Variants in MTOR observed in about 807,000 individuals in gnomAD.
The protein encoded by MTOR is mechanistic target of rapamycin kinase, also known as serine/threonine-protein kinase mTOR.
In MTOR, 70 loss-of-function variants were observed where a neutral mutation model predicts 319.8. That is an observed-to-expected ratio of 0.22 (90% confidence interval 0.18 to 0.27). MTOR has a LOEUF of 0.27. Ranked by LOEUF, MTOR falls within the 10% of genes least tolerant of loss-of-function variation. The probability of loss-of-function intolerance (pLI) is 1.00; values close to 1 mark genes in which losing one functional copy is unlikely to be tolerated. For synonymous variants in MTOR, 1,183 were observed against 1,211.4 expected (o/e 0.98, Z 0.49); for missense variants, 1,890 against 3,274.4 (o/e 0.58, Z 10.32).
At chr1:11,167,876 T>A (rs567636539) in intron 28 of MTOR, among the ~76,000 whole-genome samples, 4 of 152,242 alleles carry the variant, frequency 2.6e-5, no homozygotes, top group African/African-American at 9.6e-5. Flanking sequence ...AAGACCATCC[T>A]GGCTAACAAG....
intron 54 of MTOR, among the ~76,000 whole-genome samples, chr1:11,110,010 AT>A (rs397781498): frequency 1.3e-5 from 2 of 151,520 alleles, no homozygotes; most frequent in African/African-American, 2.4e-5. Context: ...AAAAAAAAAA[AT>A]TTTTAAATCT....
At chr1:11,116,914 G>T in intron 50 of MTOR, 90 bp downstream of exon 50, 1 of 948,698 alleles carries the variant, frequency 1.1e-6, no homozygotes, top group Non-Finnish European at 1.6e-6. Context: ...TTACCAAAAA[G>T]CCATATATTT....
rs180992388 is a variant in MTOR, at chr1:11,130,636, C to A, written c.5506G>T (p.Ala1836Ser). ...GTGCTGGCAGTGGTGGTGGCAGTGG[C>A]GGCCGTGGTGGCGGCAGTGGTGGCG... ...TNATTAATTA[A>S]TATTTASTEG... is the part of the protein sequence containing the mutation. Residue 1836 changes from alanine to serine, a missense_variant, in exon 39 of 58, where the codon GCC becomes TCC. This residue lies in a region of MTOR where 91 missense variants were observed against 90.4 expected (regional missense o/e 1.01). Coordinates refer to ENST00000361445, the MANE Select transcript of MTOR (RefSeq NM_004958.4). 6 of 1,613,540 alleles carry A rather than the reference C, an allele frequency of 3.7e-6. No homozygotes were observed. In the African/African-American group the frequency reaches 8.0e-5, roughly 22 times the overall value.
chr1:11,259,433 G>A lies in MTOR; in HGVS notation c.-14-10C>T, dbSNP rs753188745. 1 of 1,522,152 alleles carries A rather than the reference G, an allele frequency of 6.6e-7. No individual in the cohort carries two copies. The highest frequency in any genetic ancestry group is 8.8e-7 in the Non-Finnish European group (1 of 1,142,038). 94.3% of individuals were successfully genotyped at this position (1,522,152 alleles called of 1,614,324 possible). ...ATCTTGCCCTGAGGTTCTTTAGAGAGAAGTTTCCTTTAATATTCTGGATAA... is the reference window on the plus strand; with the variant it reads ...ATCTTGCCCTGAGGTTCTTTAGAGAAAAGTTTCCTTTAATATTCTGGATAA... On this transcript the variant is annotated splice_polypyrimidine_tract_variant and intron_variant, in intron 1 of 57. Coordinates refer to ENST00000361445, the MANE Select transcript of MTOR (RefSeq NM_004958.4).
intron 1 of MTOR, among the ~76,000 whole-genome samples, chr1:11,262,070 G>A (rs1240473019): frequency 6.6e-6 from 1 of 152,212 alleles, no homozygotes; most frequent in African/African-American, 2.4e-5. Context: ...GGTGTCCACA[G>A]TGGAGGACAA....
At chr1:11,124,222 G>C (rs1642697146) in intron 47 of MTOR, among the ~76,000 whole-genome samples, 1 of 152,160 alleles carries the variant, frequency 6.6e-6, no homozygotes, top group South Asian at 2.1e-4. Flanking sequence ...GAGCCACCAT[G>C]CCCAGCCTTT....
chr1:11,121,425 C>A lies in MTOR; in HGVS notation c.6811-57G>T. On this transcript the variant is annotated intron_variant, in intron 48 of 57. Coordinates refer to ENST00000361445, the MANE Select transcript of MTOR (RefSeq NM_004958.4). The surrounding 1 kb of genome is among the most constrained non-coding windows in gnomAD (Gnocchi z 4.9). ...GCAGCCTAAGACATGTAGTTTGGGT[C>A]CAGGAAGAAACAAGGCTTGGGGTCC... is the stretch of plus-strand genomic sequence containing the variant. 1 of 1,603,078 alleles carries A rather than the reference C, an allele frequency of 6.2e-7. No homozygotes were observed. The highest frequency in any genetic ancestry group is 1.1e-5 in the South Asian group (1 of 90,216).
chr1:11,155,149 C>T (rs886660056), intron 30 of MTOR, among the ~76,000 whole-genome samples: 2 of 152,050 alleles, frequency 1.3e-5, no homozygotes, highest in Non-Finnish European at 2.9e-5. Context: ...CAGGAAATGT[C>T]TAAACAAATA....
At chr1:11,137,049 C>G (rs1307419424) in intron 36 of MTOR, among the ~76,000 whole-genome samples, 1 of 150,332 alleles carries the variant, frequency 6.7e-6, no homozygotes, top group Non-Finnish European at 1.5e-5. Context: ...ACCATGTTGT[C>G]CAGGCTGGTC....
chr1:11,223,166 T>C (rs1198720869), intron 19 of MTOR, among the ~76,000 whole-genome samples: 8 of 151,198 alleles, frequency 5.3e-5, no homozygotes, highest in Non-Finnish European at 1.0e-4. Flanking sequence ...TACAAATACA[T>C]GACTTTTTTT....
rs1010776883 is a variant in MTOR, at chr1:11,121,525, G to A, written c.6811-157C>T. 3.9e-5 allele frequency among the ~76,000 whole-genome samples: 6 copies of A among 152,166 alleles called. No individual in the cohort carries two copies. Among genetic ancestry groups the A allele is most frequent in the African/African-American group, 7.2e-5 (3 of 41,444 alleles). On this transcript the variant is annotated intron_variant, in intron 48 of 57. Coordinates refer to ENST00000361445, the MANE Select transcript of MTOR (RefSeq NM_004958.4). The surrounding 1 kb of genome is among the most constrained non-coding windows in gnomAD (Gnocchi z 4.9). ...ATAAGAACATGGCAAAAGGAGAAAC[G>A]AAGTGACCACTCTAACCTGATGACC...
chr1:11,172,383 C>T (rs368992945), intron 28 of MTOR, among the ~76,000 whole-genome samples: 44 of 148,578 alleles, frequency 3.0e-4, no homozygotes, highest in African/African-American at 1.0e-3. Flanking sequence ...TGGTGAAACC[C>T]CGTCTCTACT....
intron 28 of MTOR, chr1:11,189,462 C>T (rs1417101640): frequency 3.3e-6 from 4 of 1,217,152 alleles, no homozygotes; most frequent in South Asian, 3.0e-5. Context: ...AACAAAGTGG[C>T]GAGGCCCTCA....
At chr1:11,246,386 T>C (rs1485272324) in intron 8 of MTOR, among the ~76,000 whole-genome samples, 2 of 152,206 alleles carry the variant, frequency 1.3e-5, no homozygotes, top group Non-Finnish European at 2.9e-5. Context: ...AAAGCTCTAC[T>C]GAACAGCAGC....
chr1:11,211,392 G>T (rs1397549978), intron 23 of MTOR, among the ~76,000 whole-genome samples: 2 of 152,212 alleles, frequency 1.3e-5, no homozygotes, highest in Admixed American at 1.3e-4. Flanking sequence ...GTGAGATGAG[G>T]TCTTGCTCTG....
intron 49 of MTOR, among the ~76,000 whole-genome samples, chr1:11,120,866 G>C (rs1642488618): frequency 6.6e-6 from 1 of 152,068 alleles, no homozygotes; most frequent in Non-Finnish European, 1.5e-5. Flanking sequence ...TGAATCCACA[G>C]ATGCAGAAGC....
intron 1 of MTOR, among the ~76,000 whole-genome samples, chr1:11,259,804 G>A (rs899403368): frequency 5.3e-5 from 8 of 152,096 alleles, no homozygotes; most frequent in East Asian, 1.9e-4. Flanking sequence ...TTAGCTGGGC[G>A]TGGTGGCATG....
chr1:11,240,205 C>G (rs2100908631), intron 11 of MTOR, 98 bp downstream of exon 11: 1 of 1,461,454 alleles, frequency 6.8e-7, no homozygotes, highest in South Asian at 1.5e-5. Context: ...CTGTCTTTAG[C>G]ACCCCAGCAA....
At position 11,257,202 on chromosome 1, in the gene MTOR, C is replaced by A. The variant is rs371810441; in HGVS notation, c.272-37G>T. 7.7e-4 allele frequency: 1,190 copies of A among 1,550,582 alleles called. No homozygotes were observed. Among genetic ancestry groups the A allele is most frequent in the Non-Finnish European group, 9.5e-4 (1,082 of 1,133,742 alleles). ...AGGAAGGCAAAAGGTGATGATGGGGCGTATGCTGGCCAGGAAAGTACGCAG... is the reference window on the plus strand; with the variant it reads ...AGGAAGGCAAAAGGTGATGATGGGGAGTATGCTGGCCAGGAAAGTACGCAG... On this transcript the variant is annotated intron_variant, in intron 3 of 57. Transcript: ENST00000361445.
Sources: gnomAD v4.1 joint callset for allele counts (sites outside exome capture counted in the v4.1 genomes callset) on GRCh38, gnomAD v4.1.1 for gene constraint, gnomAD v4.1.1 regional missense constraint, Gnocchi (gnomAD v3.1) non-coding constraint, MANE v1.5 for transcripts, NCBI Gene and HGNC (gene_info 2026-07-23, HGNC 2026-07-21) for gene names.